The following RPL17 variants were observed in gnomAD, a reference collection of about 807,000 sequenced individuals.
The protein encoded by RPL17 is ribosomal protein L17.
RPL17 carries 2 observed loss-of-function variants against 27.7 expected under a neutral mutation model. That is an observed-to-expected ratio of 0.07 (90% CI 0.03 to 0.23). The LOEUF (loss-of-function observed/expected upper bound fraction) is 0.23, where lower values mean the gene tolerates loss of function less well. Ranked by LOEUF, RPL17 falls within the 10% of genes least tolerant of loss-of-function variation. RPL17 has a pLI of 1.00. For missense variants in RPL17, 141 were observed against 238.8 expected, an observed-to-expected ratio of 0.59 and a Z score of 2.70; for synonymous variants, 76 against 75.5, an observed-to-expected ratio of 1.01 and a Z score of -0.03.
chr18:49,490,005 A>G (rs1173802035), intron 5 of RPL17, among the ~76,000 whole-genome samples: 2 of 152,252 alleles, frequency 1.3e-5, no homozygotes, highest in Non-Finnish European at 2.9e-5. Context: ...CAAGTTTGTC[A>G]TTGTTTAAAC....
rs767936302 is a variant in RPL17, at chr18:49,491,712, G to A, written c.-13-128C>T. The A allele has an allele frequency of 2.2e-5, 27 of 1,217,226 alleles. No homozygotes were observed. The African/African-American group carries it at 3.1e-4, about 14-fold the overall frequency. 75.4% of individuals were successfully genotyped at this position (1,217,226 alleles called of 1,614,324 possible). The stretch of plus-strand genomic sequence containing the variant: ...CATTATTAATCCAAAGGTGTCCTAA[G>A]AAATGCCATCATCGCAGCCATACTT... On this transcript the variant is annotated intron_variant, in intron 1 of 6. Coordinates refer to ENST00000580261, the MANE Select transcript of RPL17 (RefSeq NM_001035006.5).
Position 49,489,695 on chromosome 18 carries a change from C to T in RPL17, c.316-145G>A, listed in dbSNP as rs1046694299. On this transcript the variant is annotated intron_variant, in intron 5 of 6. Transcript: ENST00000580261. The stretch of plus-strand genomic sequence containing the variant: ...ATTTTTAAAAGGCAATCCTTTTATT[C>T]TGCAAATAGCATTTTTTTAACCAGT... 2.0e-5 allele frequency: 17 copies of T among 858,166 alleles called. No homozygotes were observed. The Admixed American group carries it at 4.8e-4, about 24-fold the overall frequency. The allele number at this position is 858,166 out of a possible 1,614,324, so 53.2% of individuals were successfully genotyped here.
In RPL17 at chr18:49,489,344, C is replaced by T; in HGVS notation, c.507+15G>A. 1.2e-6 allele frequency: 2 copies of T among 1,613,664 alleles called. No homozygotes were observed. Among genetic ancestry groups the T allele is most frequent in the Non-Finnish European group, 1.7e-6 (2 of 1,179,714 alleles). On this transcript the variant is annotated intron_variant, in intron 6 of 6. Coordinates refer to ENST00000580261, the MANE Select transcript of RPL17 (RefSeq NM_001035006.5). ...TTCTACTATCACAAACAAAACCGAG[C>T]AACTACTTATTTACCTTTTTCTTCT...
At chr18:49,491,688 A>AT (rs1270072977) in intron 1 of RPL17, 104 bp from the exon 2 acceptor site, 5 of 1,399,102 alleles carry the variant, frequency 3.6e-6, no homozygotes, top group Non-Finnish European at 5.1e-6. Flanking sequence ...AGTTGTTTTC[A>AT]TTATTAATCC....
At chr18:49,491,111 A>G (rs2084039955) in intron 3 of RPL17, 184 bp from the exon 4 acceptor site, 2 of 1,009,270 alleles carry the variant, frequency 2.0e-6, no homozygotes. Flanking sequence ...GAAAACTCCA[A>G]AACTCCATTT....
Position 49,491,459 on chromosome 18 carries a change from C to G in RPL17, c.41-14G>C, listed in dbSNP as rs748916545. The G allele has an allele frequency of 2.5e-6, 4 of 1,614,006 alleles. No homozygotes were observed. The highest frequency in any genetic ancestry group is 3.4e-6 in the Non-Finnish European group (4 of 1,179,978). ...TTGATTTGCATGCTAGAAAATAAAA[C>G]GTTTTGGTTAATTTTTGGTATCTTA... On this transcript the variant is annotated splice_polypyrimidine_tract_variant and intron_variant, in intron 2 of 6. Coordinates refer to ENST00000580261, the MANE Select transcript of RPL17 (RefSeq NM_001035006.5).
rs764022402 is a variant in RPL17, at chr18:49,491,251, C to T, written c.81+154G>A. 10 of 1,223,874 alleles carry T rather than the reference C, an allele frequency of 8.2e-6. No homozygotes were observed. In the South Asian group the frequency reaches 1.1e-4, roughly 13 times the overall value. The allele number at this position is 1,223,874 out of a possible 1,614,324, so 75.8% of individuals were successfully genotyped here. On this transcript the variant is annotated intron_variant, in intron 3 of 6. Coordinates refer to ENST00000580261, the MANE Select transcript of RPL17 (RefSeq NM_001035006.5). ...CAATTTCACAAACGCTACATCCTTACACCCTGATCATCAATGCCTAAATAT... is the reference window on the plus strand; with the variant it reads ...CAATTTCACAAACGCTACATCCTTATACCCTGATCATCAATGCCTAAATAT...
chr18:49,490,385 A>G, intron 5 of RPL17, 69 bp downstream of exon 5: 1 of 1,521,654 alleles, frequency 6.6e-7, no homozygotes. Context: ...AATCAAGGAC[A>G]TAAATCTGAA....
At chr18:49,491,890 TGACTC>T in intron 1 of RPL17, 3 of 480,162 alleles carry the variant, frequency 6.2e-6, no homozygotes, top group Middle Eastern at 6.1e-4. Flanking sequence ...AGGCGTAAAA[TGACTC>T]GACGCATCCG....
At chr18:49,489,651 G>A (rs1226053375) in intron 5 of RPL17, 101 bp from the exon 6 acceptor site, 5 of 1,246,134 alleles carry the variant, frequency 4.0e-6, no homozygotes, top group African/African-American at 3.0e-5. Flanking sequence ...TTGCTCCAGA[G>A]TCCTGCCTCA....
intron 2 of RPL17, 39 bp from the exon 3 acceptor site, chr18:49,491,484 A>G: frequency 6.2e-7 from 1 of 1,614,158 alleles, no homozygotes; most frequent in Non-Finnish European, 8.5e-7. Flanking sequence ...TTGGTATCTT[A>G]TGCCAAGCCC....
rs371100062 is a variant in RPL17, at chr18:49,490,378, C to G, written c.315+76G>C. 4.3e-5 allele frequency: 63 copies of G among 1,466,580 alleles called. 1 individual carries two copies. Among genetic ancestry groups the G allele is most frequent in the East Asian group, 2.8e-4 (12 of 43,436 alleles). The allele number at this position is 1,466,580 out of a possible 1,614,324, so 90.8% of individuals were successfully genotyped here. A position where few individuals can be genotyped will look rare whatever the true frequency, so the allele number is the denominator to read the frequency against. ...AGTTAATTACTGAAAACAAGAAAAT[C>G]AAGGACATAAATCTGAACAGCCAAC... On this transcript the variant is annotated intron_variant, in intron 5 of 6. Coordinates refer to ENST00000580261, the MANE Select transcript of RPL17 (RefSeq NM_001035006.5).
At chr18:49,490,621 A>T in intron 4 of RPL17, 69 bp from the exon 5 acceptor site, 1 of 1,607,194 alleles carries the variant, frequency 6.2e-7, no homozygotes, top group Non-Finnish European at 8.5e-7. Context: ...AGATGAATTT[A>T]TCTGATATCA....
chr18:49,490,943 A>G lies in RPL17; in HGVS notation c.82-16T>C, dbSNP rs748725504. 3 of 1,613,604 alleles carry G rather than the reference A, an allele frequency of 1.9e-6. No homozygotes were observed. Among genetic ancestry groups the G allele is most frequent in the African/African-American group, 1.3e-5 (1 of 74,928 alleles). On this transcript the variant is annotated splice_polypyrimidine_tract_variant and intron_variant, in intron 3 of 6. Transcript: ENST00000580261. ...CACGAGTGTTCTAAGTATGAAGAAT[A>G]AAGTGTTGGTTAACTAGATCAAAGC...
rs11537618 is a variant in RPL17 at position 49,490,504 on chromosome 18, C to G, written c.265G>C (p.Glu89Gln). 3.1e-6 allele frequency: 5 copies of G among 1,613,864 alleles called. No individual in the cohort carries two copies. Among genetic ancestry groups the G allele is most frequent in the Non-Finnish European group, 3.4e-6 (4 of 1,179,912 alleles). ...TQGRWPKKSA[E>Q]FLLHMLKNAE... ...TTTTTAAGCATGTGCAGCAAAAATTCAGCACTCTTTTTGGGCCACCGACCT... is the reference window on the plus strand; with the variant it reads ...TTTTTAAGCATGTGCAGCAAAAATTGAGCACTCTTTTTGGGCCACCGACCT... Residue 89 changes from glutamate to glutamine, a missense_variant, in exon 5 of 7, where the codon GAA (glutamate) becomes CAA (glutamine). By Grantham distance (29) the Glu-to-Gln change is conservative. Transcript: ENST00000580261.
chr18:49,490,971 T>A (rs2084028611), intron 3 of RPL17, 44 bp from the exon 4 acceptor site: 1 of 1,606,390 alleles, frequency 6.2e-7, no homozygotes, highest in Non-Finnish European at 8.5e-7. Flanking sequence ...ATCAAAGCTT[T>A]AATTTTTAAA....
At chr18:49,488,698 C>T (rs2083834982) in intron 6 of RPL17, 132 bp from the exon 7 acceptor site, 2 of 640,518 alleles carry the variant, frequency 3.1e-6, no homozygotes, top group African/African-American at 3.7e-5. Context: ...TGGTAGAAAT[C>T]AACAGAACTT....
chr18:49,491,706 T>C, intron 1 of RPL17, 122 bp from the exon 2 acceptor site: 1 of 1,258,286 alleles, frequency 7.9e-7, no homozygotes, highest in Non-Finnish European at 1.2e-6. Context: ...TCCAAAGGTG[T>C]CCTAAGAAAT....
chr18:49,489,188 CATTT>C, intron 6 of RPL17, 167 bp downstream of exon 6: 2 of 660,964 alleles, frequency 3.0e-6, no homozygotes, highest in Non-Finnish European at 2.5e-6. Flanking sequence ...GAAAACTTAC[CATTT>C]ATTATTAGTC....
Sources: allele counts gnomAD v4.1 joint callset (sites outside exome capture counted in the v4.1 genomes callset), GRCh38; gene constraint gnomAD v4.1.1; transcripts MANE v1.5; gene names NCBI Gene and HGNC (gene_info 2026-07-23, HGNC 2026-07-21).